Variants in IFNLR1 observed in about 807,000 individuals in gnomAD.
IFNLR1 encodes interferon lambda receptor 1.
A neutral mutation model predicts 52.5 loss-of-function variants in IFNLR1; 28 were observed. The observed-to-expected ratio is 0.53, with a 90% CI of 0.40 to 0.73. The LOEUF (loss-of-function observed/expected upper bound fraction) is 0.73, where lower values mean the gene tolerates loss of function less well. Among genes scored for constraint, IFNLR1 ranks in the 30% least tolerant of loss-of-function variants. The pLI is 0.00. For synonymous variants in IFNLR1, 276 were observed against 274.9 expected, an observed-to-expected ratio of 1.00 and a Z score of -0.04; for missense variants, 623 against 659.1, an observed-to-expected ratio of 0.95 and a Z score of 0.60.
chr1:24,182,941 A>G (rs533349082), intron 1 of IFNLR1, among the ~76,000 whole-genome samples: 5 of 151,954 alleles, frequency 3.3e-5, no homozygotes, highest in East Asian at 1.9e-4. Flanking sequence ...AAATAAATAA[A>G]TAAATAAGTA....
intron 3 of IFNLR1, among the ~76,000 whole-genome samples, chr1:24,162,545 G>A (rs1245982733): frequency 6.6e-6 from 1 of 152,214 alleles, no homozygotes; most frequent in African/African-American, 2.4e-5. Context: ...ATAATGAACA[G>A]AAGTGTATTT....
chr1:24,159,726 G>GTTTTGTTTGTTTTGTTT, intron 4 of IFNLR1, 93 bp from the exon 5 acceptor site: 1 of 761,910 alleles, frequency 1.3e-6, no homozygotes, highest in Non-Finnish European at 2.0e-6. Context: ...ATGGTAGGGT[G>GTTTTGTTTGTTTTGTTT]TTTTTTTTTT....
chr1:24,159,146 AG>A lies in IFNLR1; in HGVS notation c.706del (p.Leu236Ter). 1 of 1,614,218 alleles carries A rather than the reference AG, an allele frequency of 6.2e-7. No homozygotes were observed. Among genetic ancestry groups the A allele is most frequent in the Non-Finnish European group, 8.5e-7 (1 of 1,180,020 alleles). ...TGCGGCAATTACTAACAGCAGTATC[AG>A]AAGCGATGGCAGCACCAGGAAAGCC... Reference protein sequence around the residue: ...NWAFLVLPSLLILLLVIAAGG... With the variant: ...NWAFLVLPSLXILLLVIAAGG... On this transcript the variant is annotated frameshift_variant, in exon 6 of 7. Coordinates refer to ENST00000327535, the MANE Select transcript of IFNLR1 (RefSeq NM_170743.4). LOFTEE classifies it high-confidence loss of function.
At chr1:24,162,883 CCTTCCT>C (rs1644475565) in intron 3 of IFNLR1, among the ~76,000 whole-genome samples, 2 of 59,210 alleles carry the variant, frequency 3.4e-5, no homozygotes, top group Non-Finnish European at 3.3e-5. Flanking sequence ...TTCTTTCCTT[CCTTCCT>C]TCCTTCCTTC....
chr1:24,169,478 C>A lies in IFNLR1; in HGVS notation c.306G>T (p.Thr102=), dbSNP rs78627520. 2.8e-3 allele frequency: 4,494 copies of A among 1,614,168 alleles called. 110 individuals carry two copies. The African/African-American group carries it at 0.054, about 20-fold the overall frequency. ...AGGGGGACTTGGAGCTGGGAGAAAC[C>A]GTCCGCACGCGTCCCTTGAACTTGT... The part of the protein sequence containing the change: ...LYNKFKGRVR[T]VSPSSKSPWV... Residue 102 remains threonine (T), a synonymous_variant, in exon 3 of 7, where the codon ACG becomes ACT. Transcript: ENST00000327535.
At position 24,155,788 on chromosome 1, in the gene IFNLR1, C is replaced by A. The variant is rs144206910; in HGVS notation, c.*1342G>T. The A allele has an allele frequency of 2.6e-3, 393 of 152,310 alleles. 5 individuals are homozygous for A. Among genetic ancestry groups the A allele is most frequent in the African/African-American group, 9.0e-3 (373 of 41,560 alleles). 9.4% of individuals were successfully genotyped at this position (152,310 alleles called of 1,614,324 possible). On this transcript the variant is annotated 3_prime_UTR_variant, in exon 7 of 7. Coordinates refer to ENST00000327535, the MANE Select transcript of IFNLR1 (RefSeq NM_170743.4). ...CCTGGCAGGTTGAATGGCCACAGAG[C>A]CAAGGTTGTTCAGATACTCCACCAC... is the stretch of plus-strand genomic sequence containing the variant.
Position 24,162,876 on chromosome 1 carries a change from T to TTTCCTTCCTTCCTTCC in IFNLR1, c.368-1208_368-1193dup, listed in dbSNP as rs752104875. On this transcript the variant is annotated intron_variant, in intron 3 of 6. Transcript: ENST00000327535. Reference sequence around the variant, plus strand: ...CTTTCTTTCTTTCTTTCTTTCTTTCTTTCCTTCCTTCCTTCCTTCCTTCCT... The same window carrying TTTCCTTCCTTCCTTCC: ...CTTTCTTTCTTTCTTTCTTTCTTTCTTTCCTTCCTTCCTTCCTTCCTTCCTTCCTTCCTTCCTTCCT... Among the ~76,000 whole-genome samples, 40 of 22,558 alleles carry TTTCCTTCCTTCCTTCC rather than the reference T, an allele frequency of 1.8e-3. 1 individual carries two copies. Among genetic ancestry groups the TTTCCTTCCTTCCTTCC allele is most frequent in the African/African-American group, 3.8e-3 (19 of 5,004 alleles). The allele number at this position is 22,558 out of a possible 152,430, so 14.8% of individuals were successfully genotyped here.
intron 1 of IFNLR1, among the ~76,000 whole-genome samples, chr1:24,181,216 A>G (rs1447354727): frequency 6.6e-6 from 1 of 152,172 alleles, no homozygotes. Context: ...CACAATAAAC[A>G]TCTGTTGAGT....
intron 3 of IFNLR1, among the ~76,000 whole-genome samples, chr1:24,168,415 C>T (rs1354856323): frequency 1.3e-5 from 2 of 151,972 alleles, no homozygotes; most frequent in Non-Finnish European, 2.9e-5. Flanking sequence ...TTTATCCTCC[C>T]TTTGTTACCC....
At chr1:24,175,573 C>G (rs1437701344) in intron 2 of IFNLR1, among the ~76,000 whole-genome samples, 1 of 152,206 alleles carries the variant, frequency 6.6e-6, no homozygotes, top group Non-Finnish European at 1.5e-5. Context: ...AGTAACACCT[C>G]CAGTCACACC....
At chr1:24,172,675 C>T (rs1644593404) in intron 2 of IFNLR1, among the ~76,000 whole-genome samples, 1 of 152,124 alleles carries the variant, frequency 6.6e-6, no homozygotes, top group Non-Finnish European at 1.5e-5. Flanking sequence ...GCGAATATTG[C>T]TTAGGACACC....
intron 1 of IFNLR1, among the ~76,000 whole-genome samples, chr1:24,181,574 T>C (rs1342507282): frequency 6.6e-6 from 1 of 152,238 alleles, no homozygotes; most frequent in Admixed American, 6.5e-5. Context: ...TCCCGCTTCA[T>C]GTAGCCCAGG....
intron 6 of IFNLR1, 82 bp downstream of exon 6, chr1:24,158,970 A>C: frequency 3.6e-6 from 5 of 1,403,844 alleles, no homozygotes; most frequent in Non-Finnish European, 4.9e-6. Context: ...TTGATATTCT[A>C]TCTGAACAAC....
At chr1:24,162,715 C>T (rs1228773485) in intron 3 of IFNLR1, among the ~76,000 whole-genome samples, 1 of 36,800 alleles carries the variant, frequency 2.7e-5, no homozygotes, top group East Asian at 6.6e-4. Context: ...TCTTTTCTTT[C>T]TTTCTTTCTT....
At chr1:24,160,013 AT>A (rs1644426166) in intron 4 of IFNLR1, among the ~76,000 whole-genome samples, 1 of 152,118 alleles carries the variant, frequency 6.6e-6, no homozygotes, top group Non-Finnish European at 1.5e-5. Context: ...TGAACTTTCT[AT>A]TCTTTTCCTG....
chr1:24,181,970 G>A (rs1457225778), intron 1 of IFNLR1, among the ~76,000 whole-genome samples: 1 of 152,140 alleles, frequency 6.6e-6, no homozygotes, highest in Non-Finnish European at 1.5e-5. Flanking sequence ...AGGTCAAGGT[G>A]GGCAGATCAC....
intron 2 of IFNLR1, 45 bp downstream of exon 2, chr1:24,180,676 GCCCCCACCCA>G: frequency 2.2e-6 from 1 of 455,858 alleles, no homozygotes; most frequent in Non-Finnish European, 4.3e-6. Context: ...AGCCCCTCCA[GCCCCCACCCA>G]CCCCCTCAGT....
chr1:24,176,135 T>C (rs1165316264), intron 2 of IFNLR1, among the ~76,000 whole-genome samples: 1 of 152,136 alleles, frequency 6.6e-6, no homozygotes, highest in African/African-American at 2.4e-5. Flanking sequence ...AGTCATACAA[T>C]GGCATTACTA....
intron 2 of IFNLR1, among the ~76,000 whole-genome samples, chr1:24,178,052 A>T (rs1644652705): frequency 1.3e-5 from 2 of 152,220 alleles, no homozygotes; most frequent in African/African-American, 2.4e-5. Context: ...TGGGAGGCCG[A>T]GGGGGGCAGA....
Sources: gnomAD v4.1 joint callset for allele counts (sites outside exome capture counted in the v4.1 genomes callset) on GRCh38, gnomAD v4.1.1 for gene constraint, MANE v1.5 for transcripts, NCBI Gene and HGNC (gene_info 2026-07-23, HGNC 2026-07-21) for gene names.